The following HS6ST3 variants were observed in gnomAD, a reference collection of about 807,000 sequenced individuals.
HS6ST3 encodes the protein heparan sulfate 6-O-sulfotransferase 3, also known as heparan-sulfate 6-O-sulfotransferase 3.
HS6ST3 carries 12 observed loss-of-function variants against 36.7 expected under a neutral mutation model. That is an observed-to-expected ratio of 0.33 (90% CI 0.21 to 0.53). The LOEUF (loss-of-function observed/expected upper bound fraction) is 0.53. Ranked by LOEUF, HS6ST3 falls within the 20% of genes least tolerant of loss-of-function variation. HS6ST3 has a pLI of 0.95. For missense variants in HS6ST3, 584 were observed against 640.9 expected, an observed-to-expected ratio of 0.91 and a Z score of 0.96; for synonymous variants, 240 against 257.5, an observed-to-expected ratio of 0.93 and a Z score of 0.65.
intron 1 of HS6ST3, among the ~76,000 whole-genome samples, chr13:96,199,855 T>A (rs918533022): frequency 3.4e-5 from 5 of 145,316 alleles, no homozygotes; most frequent in African/African-American, 8.0e-5. Flanking sequence ...TGGCTCATAT[T>A]TTTTTTTTTA....
chr13:96,756,163 G>A (rs555303815), intron 1 of HS6ST3, among the ~76,000 whole-genome samples: 7 of 152,182 alleles, frequency 4.6e-5, no homozygotes, highest in African/African-American at 1.7e-4. Context: ...TGACGTGTCT[G>A]TTCAAATCTT....
intron 1 of HS6ST3, among the ~76,000 whole-genome samples, chr13:96,108,383 A>G (rs1477293733): frequency 6.6e-6 from 1 of 152,204 alleles, no homozygotes; most frequent in Non-Finnish European, 1.5e-5. Context: ...GCACAGTGGG[A>G]CATGAAACTT....
chr13:96,218,426 A>G (rs553286441), intron 1 of HS6ST3, among the ~76,000 whole-genome samples: 1 of 152,286 alleles, frequency 6.6e-6, no homozygotes, highest in African/African-American at 2.4e-5. Flanking sequence ...GAAGGGTGGA[A>G]AGACCTGGAG....
intron 1 of HS6ST3, among the ~76,000 whole-genome samples, chr13:96,625,981 C>A (rs940952231): frequency 6.7e-6 from 1 of 149,696 alleles, no homozygotes; most frequent in South Asian, 2.1e-4. Context: ...GGACTACAGG[C>A]GCCTGCCACT....
intron 1 of HS6ST3, among the ~76,000 whole-genome samples, chr13:96,557,809 C>T (rs1283463832): frequency 3.3e-5 from 5 of 152,130 alleles, no homozygotes; most frequent in Non-Finnish European, 5.9e-5. Flanking sequence ...CAGAATAAGA[C>T]AGTGATTAGA....
In HS6ST3 at chr13:96,835,569, G is replaced by A. The variant is rs2138553263; in HGVS notation, c.*2371G>A. On this transcript the variant is annotated 3_prime_UTR_variant, in exon 2 of 2. Transcript: ENST00000376705. The stretch of plus-strand genomic sequence containing the variant: ...AGGATCTAATGTTCTGCCTAGAATA[G>A]CAGGACTGCAAATTATCCTTCTGCC... The A allele has an allele frequency of 6.6e-6, 1 of 150,674 alleles. No homozygotes were observed. Among genetic ancestry groups the A allele is most frequent in the African/African-American group, 2.5e-5 (1 of 40,550 alleles). 9.3% of individuals were successfully genotyped at this position (150,674 alleles called of 1,614,324 possible).
At chr13:96,109,029 CTA>C (rs2053856058) in intron 1 of HS6ST3, among the ~76,000 whole-genome samples, 4 of 151,748 alleles carry the variant, frequency 2.6e-5, no homozygotes. Flanking sequence ...TATATTGTAA[CTA>C]TGTTTATGTT....
chr13:96,808,471 C>T (rs764037467), intron 1 of HS6ST3, among the ~76,000 whole-genome samples: 7 of 152,112 alleles, frequency 4.6e-5, no homozygotes, highest in Non-Finnish European at 8.8e-5. Context: ...TAGCATGGTT[C>T]GAATTGGCTG....
chr13:96,517,854 T>G (rs572821766), intron 1 of HS6ST3, among the ~76,000 whole-genome samples: 1 of 152,316 alleles, frequency 6.6e-6, no homozygotes, highest in East Asian at 1.9e-4. Flanking sequence ...CGTGCAGTAT[T>G]TGGGTATATT....
At chr13:96,289,421 A>G (rs1393192882) in intron 1 of HS6ST3, among the ~76,000 whole-genome samples, 1 of 152,186 alleles carries the variant, frequency 6.6e-6, no homozygotes, top group Non-Finnish European at 1.5e-5. Flanking sequence ...GTACCCTGAA[A>G]CAGATCTCAC....
chr13:96,533,493 G>C (rs2056143734), intron 1 of HS6ST3, among the ~76,000 whole-genome samples: 1 of 152,170 alleles, frequency 6.6e-6, no homozygotes, highest in Non-Finnish European at 1.5e-5. Flanking sequence ...GAAGTCTATT[G>C]AAAATCTGAT....
At chr13:96,190,954 C>T (rs1047163268) in intron 1 of HS6ST3, among the ~76,000 whole-genome samples, 2 of 151,970 alleles carry the variant, frequency 1.3e-5, no homozygotes, top group African/African-American at 4.8e-5. Flanking sequence ...TGGCCAGGAC[C>T]CAGACATGAT....
intron 1 of HS6ST3, among the ~76,000 whole-genome samples, chr13:96,539,439 T>G (rs1192071715): frequency 6.6e-6 from 1 of 152,002 alleles, no homozygotes; most frequent in Non-Finnish European, 1.5e-5. Flanking sequence ...CACTGCAACC[T>G]CTGCCTCTCG....
At chr13:96,500,326 C>A (rs1030248290) in intron 1 of HS6ST3, among the ~76,000 whole-genome samples, 4 of 152,134 alleles carry the variant, frequency 2.6e-5, no homozygotes, top group Admixed American at 6.5e-5. Flanking sequence ...TTTATTCATT[C>A]ATCGGTGGTT....
At chr13:96,479,112 A>T (rs1224870495) in intron 1 of HS6ST3, among the ~76,000 whole-genome samples, 2 of 152,166 alleles carry the variant, frequency 1.3e-5, no homozygotes, top group Non-Finnish European at 2.9e-5. Context: ...GGGACAGGTG[A>T]TTATATATCC....
chr13:96,361,880 A>C (rs1023541326), intron 1 of HS6ST3, among the ~76,000 whole-genome samples: 9 of 152,198 alleles, frequency 5.9e-5, no homozygotes, highest in Non-Finnish European at 1.2e-4. Context: ...CTTATTTTTT[A>C]TGATTTTCTA....
chr13:96,371,435 A>G (rs957283163), intron 1 of HS6ST3, among the ~76,000 whole-genome samples: 1 of 152,182 alleles, frequency 6.6e-6, no homozygotes, highest in Admixed American at 6.5e-5. Context: ...CAACCTATCC[A>G]TCACCTCACA....
chr13:96,486,888 A>G (rs56883906), intron 1 of HS6ST3, among the ~76,000 whole-genome samples: 4,911 of 152,212 alleles, frequency 0.032, 259 homozygotes, highest in African/African-American at 0.11. Flanking sequence ...CGTAGCAAAA[A>G]TGCCCTTGAG....
At chr13:96,255,735 A>T (rs1025793045) in intron 1 of HS6ST3, among the ~76,000 whole-genome samples, 2 of 152,202 alleles carry the variant, frequency 1.3e-5, no homozygotes, top group Non-Finnish European at 2.9e-5. Context: ...AGAAGTCTGT[A>T]GAAAACTTTA....
Sources: gnomAD v4.1 joint callset for allele counts (sites outside exome capture counted in the v4.1 genomes callset) on GRCh38, gnomAD v4.1.1 for gene constraint, MANE v1.5 for transcripts, NCBI Gene and HGNC (gene_info 2026-07-23, HGNC 2026-07-21) for gene names.